KCNH5: variants seen among roughly 807,000 people sequenced by gnomAD.
KCNH5 encodes the protein potassium voltage-gated channel subfamily H member 5.
In KCNH5, 46 loss-of-function variants were observed where a neutral mutation model predicts 96.1. The observed-to-expected ratio is 0.48, with a 90% CI of 0.38 to 0.61. The LOEUF is 0.61. Among genes scored for constraint, KCNH5 ranks in the 20% least tolerant of loss-of-function variants. The pLI is 0.00. For missense variants in KCNH5, 907 were observed against 1,225.8 expected, an observed-to-expected ratio of 0.74 and a Z score of 3.88; for synonymous variants, 439 against 449.8, an observed-to-expected ratio of 0.98 and a Z score of 0.30.
chr14:62,824,818 C>A (rs1028366682), intron 8 of KCNH5, among the ~76,000 whole-genome samples: 24 of 151,934 alleles, frequency 1.6e-4, no homozygotes, highest in Non-Finnish European at 7.4e-5. Flanking sequence ...GCCATCTTTA[C>A]GTCCATGAGT....
chr14:62,842,526 A>T (rs931769575), intron 8 of KCNH5, among the ~76,000 whole-genome samples: 1 of 152,256 alleles, frequency 6.6e-6, no homozygotes, highest in African/African-American at 2.4e-5. Flanking sequence ...TATAGTTTTC[A>T]TATATTTGTT....
In KCNH5 at chr14:62,911,453, GT is replaced by G. The variant is rs1253428315; in HGVS notation, c.1369+38679del. On this transcript the variant is annotated intron_variant, in intron 7 of 10. Transcript: ENST00000322893. ...ATCTTAATCAAAAGCCAAGTAGAAT[GT>G]TTCCATGGAACTTGATGAGATAATT... Among the ~76,000 whole-genome samples, 3 of 151,656 alleles carry G rather than the reference GT, an allele frequency of 2.0e-5. No individual in the cohort carries two copies. The South Asian group carries it at 6.2e-4, about 32-fold the overall frequency.
At chr14:62,877,214 A>T (rs1419719969) in intron 7 of KCNH5, among the ~76,000 whole-genome samples, 1 of 151,802 alleles carries the variant, frequency 6.6e-6, no homozygotes, top group Non-Finnish European at 1.5e-5. Flanking sequence ...TAAAGACTTA[A>T]ACGTTAGACC....
At chr14:62,948,660 G>T (rs533336332) in intron 7 of KCNH5, among the ~76,000 whole-genome samples, 1 of 151,040 alleles carries the variant, frequency 6.6e-6, no homozygotes, top group East Asian at 1.9e-4. Context: ...CTAATTTTAT[G>T]AGGCCAGCAT....
intron 7 of KCNH5, among the ~76,000 whole-genome samples, chr14:62,925,661 A>G (rs1889461222): frequency 6.6e-6 from 1 of 152,104 alleles, no homozygotes; most frequent in African/African-American, 2.4e-5. Context: ...TAGTTTTTAC[A>G]TTCCCAATAA....
rs932346301 is a variant in KCNH5 at position 62,860,481 on chromosome 14, A to G, written c.1370-10629T>C. Among the ~76,000 whole-genome samples the G allele has an allele frequency of 1.3e-4, 20 of 152,232 alleles. 1 individual carries two copies. Among genetic ancestry groups the G allele is most frequent in the Admixed American group, 1.3e-3 (20 of 15,276 alleles). ...AAAACTATCTGGGCAATATAGAAAA[A>G]TCCCTCTGAAATAGGAATAATAGTA... On this transcript the variant is annotated intron_variant, in intron 7 of 10. Coordinates refer to ENST00000322893, the MANE Select transcript of KCNH5 (RefSeq NM_139318.5).
At position 62,834,911 on chromosome 14, in the gene KCNH5, A is replaced by G. The variant is rs1055937746; in HGVS notation, c.1569+14742T>C. Among the ~76,000 whole-genome samples the G allele has an allele frequency of 2.0e-5, 3 of 152,138 alleles. No homozygotes were observed. In the South Asian group the frequency reaches 6.2e-4, roughly 32 times the overall value. ...AAGTTGAGTAGTGGAGGCAAAGACC[A>G]TATAACCCATAAAAGCTAAACTGTT... On this transcript the variant is annotated intron_variant, in intron 8 of 10. Coordinates refer to ENST00000322893, the MANE Select transcript of KCNH5 (RefSeq NM_139318.5).
At chr14:63,003,502 AT>A (rs1257086742) in intron 3 of KCNH5, among the ~76,000 whole-genome samples, 2 of 123,232 alleles carry the variant, frequency 1.6e-5, no homozygotes, top group East Asian at 4.5e-4. Flanking sequence ...TTATATATAT[AT>A]TTTATATATA....
At chr14:62,728,601 A>C (rs1884985360) in intron 10 of KCNH5, among the ~76,000 whole-genome samples, 1 of 152,200 alleles carries the variant, frequency 6.6e-6, no homozygotes. Context: ...CTTTGGTAAG[A>C]GCATAAGCTC....
intron 8 of KCNH5, among the ~76,000 whole-genome samples, chr14:62,830,055 T>C (rs945491853): frequency 1.3e-5 from 2 of 152,186 alleles, no homozygotes; most frequent in Non-Finnish European, 1.5e-5. Context: ...TCCATACATC[T>C]CTAGGGCAGG....
intron 6 of KCNH5, 124 bp downstream of exon 6, chr14:62,980,748 G>T: frequency 1.0e-6 from 1 of 969,090 alleles, no homozygotes; most frequent in Non-Finnish European, 1.5e-6. Flanking sequence ...CTTTTGGCAA[G>T]GGTTTCAAGA....
At chr14:62,743,777 C>T (rs1457277405) in intron 10 of KCNH5, among the ~76,000 whole-genome samples, 7 of 151,960 alleles carry the variant, frequency 4.6e-5, no homozygotes, top group Admixed American at 3.9e-4. Context: ...CTACCCGACT[C>T]CACCCCCAAT....
chr14:63,019,465 G>C (rs908439633), intron 1 of KCNH5, among the ~76,000 whole-genome samples: 1 of 152,082 alleles, frequency 6.6e-6, no homozygotes, highest in African/African-American at 2.4e-5. Flanking sequence ...TAGTAATTAA[G>C]ATGGTGTGGA....
At chr14:62,827,289 A>T (rs1321063808) in intron 8 of KCNH5, among the ~76,000 whole-genome samples, 1 of 152,146 alleles carries the variant, frequency 6.6e-6, no homozygotes, top group African/African-American at 2.4e-5. Context: ...TGCTACCCAA[A>T]GTACGGTTTG....
chr14:62,808,091 C>A (rs1031164171), intron 8 of KCNH5, among the ~76,000 whole-genome samples: 1 of 151,974 alleles, frequency 6.6e-6, no homozygotes, highest in Non-Finnish European at 1.5e-5. Context: ...GGGTTTTCAC[C>A]AAAAGTAAAA....
At chr14:63,040,922 T>C (rs1891811868) in intron 1 of KCNH5, among the ~76,000 whole-genome samples, 1 of 152,096 alleles carries the variant, frequency 6.6e-6, no homozygotes, top group African/African-American at 2.4e-5. Context: ...AATACTACCT[T>C]CTCTGTTTTC....
chr14:62,827,263 T>C (rs1360220996), intron 8 of KCNH5, among the ~76,000 whole-genome samples: 2 of 152,144 alleles, frequency 1.3e-5, no homozygotes, highest in Non-Finnish European at 2.9e-5. Context: ...ATCTTGGCTG[T>C]TTCATTCTTT....
At chr14:62,778,236 C>T (rs1000484413) in intron 10 of KCNH5, among the ~76,000 whole-genome samples, 9 of 152,136 alleles carry the variant, frequency 5.9e-5, no homozygotes, top group African/African-American at 1.4e-4. Flanking sequence ...CCTTACATAC[C>T]GAAGTCCTGC....
At chr14:62,880,385 T>G (rs1311239900) in intron 7 of KCNH5, among the ~76,000 whole-genome samples, 1 of 152,168 alleles carries the variant, frequency 6.6e-6, no homozygotes, top group Non-Finnish European at 1.5e-5. Context: ...AAAGTATTAG[T>G]TTTTCAAAGA....
Sources: allele counts gnomAD v4.1 joint callset (sites outside exome capture counted in the v4.1 genomes callset), GRCh38; gene constraint gnomAD v4.1.1; transcripts MANE v1.5; gene names NCBI Gene and HGNC (gene_info 2026-07-23, HGNC 2026-07-21).